TEX11: variants seen among roughly 807,000 people sequenced by gnomAD.
TEX11 encodes testis expressed 11.
TEX11 carries 7 observed loss-of-function variants against 84.4 expected under a neutral mutation model. That is an observed-to-expected ratio of 0.08 (90% CI 0.05 to 0.16). TEX11 has a LOEUF of 0.16. Among genes scored for constraint, TEX11 ranks in the 10% least tolerant of loss-of-function variants. The pLI is 1.00. For missense variants in TEX11, 551 were observed against 660.5 expected, an observed-to-expected ratio of 0.83 and a Z score of 1.82; for synonymous variants, 264 against 222.8, an observed-to-expected ratio of 1.18 and a Z score of -1.64.
chrX:70,907,913 A>G (rs1294801133), intron 1 of TEX11, 103 bp from the exon 2 acceptor site: 87 of 543,799 alleles, frequency 1.6e-4, no homozygotes, highest in Non-Finnish European at 9.2e-5. Flanking sequence ...CCAAAGGGAG[A>G]AAAAAAGGCT....
chrX:70,750,664 C>A (rs867852630), intron 9 of TEX11, among the ~76,000 whole-genome samples: 1 of 98,683 alleles, frequency 1.0e-5, no homozygotes, highest in Admixed American at 1.1e-4. Context: ...AGTAAACTAT[C>A]GCAAGAACAA....
intron 25 of TEX11, among the ~76,000 whole-genome samples, chrX:70,556,330 A>G (rs1480230923): frequency 3.6e-5 from 4 of 110,750 alleles, no homozygotes; most frequent in African/African-American, 9.8e-5. Flanking sequence ...TCTTCATTCA[A>G]TTAAAAAAAA....
At chrX:70,738,510 AT>A (rs1267156989) in intron 11 of TEX11, among the ~76,000 whole-genome samples, 4 of 112,279 alleles carry the variant, frequency 3.6e-5, no homozygotes, top group African/African-American at 1.3e-4. Flanking sequence ...GGTAGTGTAA[AT>A]TAGTTCAACC....
chrX:70,906,948 T>C (rs1266631719), intron 2 of TEX11, among the ~76,000 whole-genome samples: 1 of 112,032 alleles, frequency 8.9e-6, no homozygotes, highest in Non-Finnish European at 1.9e-5. Flanking sequence ...AAAACAAAGA[T>C]AGTACCACAA....
At chrX:70,735,832 C>T (rs2090691498) in intron 11 of TEX11, among the ~76,000 whole-genome samples, 1 of 112,014 alleles carries the variant, frequency 8.9e-6, no homozygotes, top group African/African-American at 3.2e-5. Context: ...CATTGTGCTT[C>T]TAATTTGCAT....
chrX:70,760,620 A>T (rs1415921823), intron 9 of TEX11, among the ~76,000 whole-genome samples: 1 of 112,125 alleles, frequency 8.9e-6, no homozygotes, highest in Non-Finnish European at 1.9e-5. Flanking sequence ...AAGATGGATT[A>T]AAGACTTAAA....
intron 13 of TEX11, among the ~76,000 whole-genome samples, chrX:70,693,437 AAAGAAATTCC>A (rs1302007171): frequency 8.9e-6 from 1 of 112,011 alleles, no homozygotes; most frequent in South Asian, 3.7e-4. Flanking sequence ...CCTTAAAAAG[AAAGAAATTCC>A]CTCATTTACA....
chrX:70,748,901 C>T lies in TEX11; in HGVS notation c.693-4682G>A, dbSNP rs777106341. 7.8e-5 allele frequency among the ~76,000 whole-genome samples: 8 copies of T among 102,766 alleles called. No individual in the cohort carries two copies. The South Asian group carries it at 1.4e-3, about 19-fold the overall frequency. The allele number at this position is 102,766 out of a possible 115,157, so 89.2% of individuals were successfully genotyped here. ...TTGGCTTAGGATTGACTTGGCAATG[C>T]GGGCTCTTTTTTGGTTCCATATGAA... On this transcript the variant is annotated intron_variant, in intron 9 of 29. Coordinates refer to ENST00000374333, the MANE Select transcript of TEX11 (RefSeq NM_031276.3).
intron 25 of TEX11, among the ~76,000 whole-genome samples, chrX:70,589,432 TCTCTATCTA>T (rs145683955): frequency 0.13 from 14,130 of 110,448 alleles, 757 homozygotes; most frequent in Middle Eastern, 0.19. Flanking sequence ...TCACTATATC[TCTCTATCTA>T]CTCTATCTAT....
At chrX:70,553,536 A>T (rs1197335118) in intron 26 of TEX11, 122 bp from the exon 27 acceptor site, 5 of 418,581 alleles carry the variant, frequency 1.2e-5, no homozygotes, top group Non-Finnish European at 2.0e-5. Flanking sequence ...AAAAATAAAC[A>T]ACAATGAATT....
chrX:70,539,204 T>G (rs943978161), intron 28 of TEX11, among the ~76,000 whole-genome samples: 1 of 105,684 alleles, frequency 9.5e-6, no homozygotes, highest in African/African-American at 3.4e-5. Flanking sequence ...CCGGCTAACT[T>G]TTGTAATTTT....
At chrX:70,639,435 C>T (rs1212627960) in intron 17 of TEX11, among the ~76,000 whole-genome samples, 3 of 112,222 alleles carry the variant, frequency 2.7e-5, no homozygotes, top group Non-Finnish European at 3.8e-5. Context: ...AGGAGGCCTG[C>T]GTGCCTCTGT....
At position 70,879,992 on chromosome X, in the gene TEX11, A is replaced by C. The variant is rs751261544; in HGVS notation, c.155T>G (p.Ile52Ser). 14 of 1,180,987 alleles carry C rather than the reference A, an allele frequency of 1.2e-5. No individual in the cohort carries two copies. The highest frequency in any genetic ancestry group is 1.8e-5 in the African/African-American group (1 of 56,553). Residue 52 changes from isoleucine to serine, a missense_variant, in exon 3 of 30, where the codon ATT becomes AGT. Coordinates refer to ENST00000374333, the MANE Select transcript of TEX11 (RefSeq NM_031276.3). ...CAGAATTATTTTTATACTAACCTGA[A>C]TGTCTGTTATTTCAGCCATAGACTC... ...NRESMAEITD[I>S]QIEEMAVNLW... is the part of the protein sequence containing the mutation.
At chrX:70,807,021 C>T (rs748137788) in intron 8 of TEX11, among the ~76,000 whole-genome samples, 1 of 112,427 alleles carries the variant, frequency 8.9e-6, no homozygotes, top group East Asian at 2.8e-4. Flanking sequence ...AACTGCAAAA[C>T]ATTCAGGTTG....
At chrX:70,531,143 A>T (rs1349775915) in intron 28 of TEX11, among the ~76,000 whole-genome samples, 1 of 111,636 alleles carries the variant, frequency 9.0e-6, no homozygotes, top group Non-Finnish European at 1.9e-5. Flanking sequence ...TCTCCTCCAG[A>T]CTATTGAGTT....
intron 15 of TEX11, among the ~76,000 whole-genome samples, chrX:70,677,810 C>CTTT (rs35653618): frequency 0.023 from 1,461 of 63,517 alleles, 39 homozygotes; most frequent in Non-Finnish European, 0.032. Context: ...CTTTTCTTTC[C>CTTT]TTTTTTTTTT....
At chrX:70,568,590 G>C (rs1386745598) in intron 25 of TEX11, among the ~76,000 whole-genome samples, 1 of 110,363 alleles carries the variant, frequency 9.1e-6, no homozygotes, top group Non-Finnish European at 1.9e-5. Flanking sequence ...AGCTCTTTTA[G>C]GGCAGGCCTG....
intron 14 of TEX11, among the ~76,000 whole-genome samples, chrX:70,680,441 C>CT (rs2090137466): frequency 1.2e-5 from 1 of 86,378 alleles, no homozygotes; most frequent in Non-Finnish European, 2.2e-5. Context: ...GACACAAACA[C>CT]TGCGGAAGGC....
intron 2 of TEX11, among the ~76,000 whole-genome samples, chrX:70,897,159 T>TATATATATAGATATATATTATATATAAC (rs2091771345): frequency 4.3e-5 from 2 of 46,229 alleles, no homozygotes; most frequent in African/African-American, 6.0e-5. Context: ...ATATATAACA[T>TATATATATAGATATATATTATATATAAC]ATATATTTTT....
Sources: gnomAD v4.1 joint callset for allele counts (sites outside exome capture counted in the v4.1 genomes callset) on GRCh38, gnomAD v4.1.1 for gene constraint, MANE v1.5 for transcripts, NCBI Gene and HGNC (gene_info 2026-07-23, HGNC 2026-07-21) for gene names.